Variants in SGPP2 observed in about 807,000 individuals in gnomAD.
SGPP2 encodes the protein sphingosine-1-phosphate phosphatase 2.
Under a neutral mutation model 33.9 loss-of-function variants are expected in SGPP2, and 30 were observed. The ratio of observed to expected loss-of-function variants is 0.89; its 90% CI spans 0.66 to 1.20. SGPP2 has a LOEUF of 1.20. Ranked by LOEUF, SGPP2 falls within the 50% of genes most tolerant of loss-of-function variation. The pLI is 0.00. For synonymous variants in SGPP2, 233 were observed against 225.0 expected, an observed-to-expected ratio of 1.04 and a Z score of -0.32; for missense variants, 458 against 532.1, an observed-to-expected ratio of 0.86 and a Z score of 1.37.
At chr2:222,468,284 C>A (rs1015623984) in intron 1 of SGPP2, among the ~76,000 whole-genome samples, 4 of 151,866 alleles carry the variant, frequency 2.6e-5, no homozygotes, top group Admixed American at 2.0e-4. Context: ...TCATTTTCAG[C>A]CAATTAGTAC....
Position 222,534,414 on chromosome 2 carries a change from A to G in SGPP2, c.648+9381A>G, listed in dbSNP as rs180895700. Among the ~76,000 whole-genome samples, 296 of 152,268 alleles carry G rather than the reference A, an allele frequency of 1.9e-3. 10 individuals carry two copies. The highest frequency in any genetic ancestry group is 0.017 in the Admixed American group (261 of 15,294). ...TGTCCCTAAATTGTTTGATCTCTGG[A>G]TAATTACACAGATACTGTTTTATTT... On this transcript the variant is annotated intron_variant, in intron 4 of 4. Transcript: ENST00000321276.
rs1184490812 is a variant in SGPP2 at position 222,554,678 on chromosome 2, C to T, written c.649-3669C>T. Among the ~76,000 whole-genome samples, 4 of 152,130 alleles carry T rather than the reference C, an allele frequency of 2.6e-5. No individual in the cohort carries two copies. The East Asian group carries it at 7.7e-4, about 29-fold the overall frequency. On this transcript the variant is annotated intron_variant, in intron 4 of 4. Transcript: ENST00000321276. ...ACCTCCGCATCTCTGTCAGCAGGGACAGGCGAGGAGTTGATTCTCTGCACG... is the reference window on the plus strand; with the variant it reads ...ACCTCCGCATCTCTGTCAGCAGGGATAGGCGAGGAGTTGATTCTCTGCACG...
At chr2:222,429,671 G>A (rs1697122619) in intron 1 of SGPP2, among the ~76,000 whole-genome samples, 1 of 152,130 alleles carries the variant, frequency 6.6e-6, no homozygotes, top group South Asian at 2.1e-4. Context: ...CTTTTGGTTT[G>A]TTTCCAGTTT....
chr2:222,552,927 T>C (rs1689321809), intron 4 of SGPP2, among the ~76,000 whole-genome samples: 1 of 152,052 alleles, frequency 6.6e-6, no homozygotes. Flanking sequence ...CCTATGGAAA[T>C]AAAACATTAA....
chr2:222,428,780 G>GT (rs1697109135), intron 1 of SGPP2, among the ~76,000 whole-genome samples: 2 of 132,578 alleles, frequency 1.5e-5, no homozygotes, highest in African/African-American at 5.6e-5. Context: ...AAAAAACATG[G>GT]TTTTCTTTTT....
At chr2:222,426,297 T>G (rs1305929476) in intron 1 of SGPP2, among the ~76,000 whole-genome samples, 2 of 151,104 alleles carry the variant, frequency 1.3e-5, no homozygotes, top group African/African-American at 4.9e-5. Context: ...CCGTGACATA[T>G]TCGGTGCACA....
At chr2:222,444,211 C>G (rs1202034882) in intron 1 of SGPP2, among the ~76,000 whole-genome samples, 2 of 152,190 alleles carry the variant, frequency 1.3e-5, no homozygotes, top group East Asian at 3.8e-4. Flanking sequence ...TCTTATGCCA[C>G]TTCATAAGGG....
intron 4 of SGPP2, among the ~76,000 whole-genome samples, chr2:222,543,762 T>G (rs972260394): frequency 2.0e-5 from 3 of 152,230 alleles, no homozygotes; most frequent in Non-Finnish European, 4.4e-5. Context: ...AGTTTTGTTA[T>G]AAGTATTGGT....
intron 4 of SGPP2, among the ~76,000 whole-genome samples, chr2:222,526,036 G>A (rs1025697178): frequency 9.9e-5 from 15 of 152,156 alleles, no homozygotes; most frequent in Admixed American, 1.3e-4. Context: ...GCAACATTAC[G>A]CTTTCCTCTT....
rs1471593488 is a variant in SGPP2, at chr2:222,480,662, G to A, written c.378+5936G>A. ...TGTATTGTCAAGGCTAGTGATACAT[G>A]TTGCTCAATTATTTTCTCAGAAATA... On this transcript the variant is annotated intron_variant, in intron 2 of 4. Transcript: ENST00000321276. Among the ~76,000 whole-genome samples the A allele has an allele frequency of 2.6e-5, 4 of 152,302 alleles. No individual in the cohort carries two copies. In the East Asian group the frequency reaches 7.7e-4, roughly 29 times the overall value.
intron 1 of SGPP2, among the ~76,000 whole-genome samples, chr2:222,463,341 G>A (rs1372144554): frequency 1.3e-5 from 2 of 152,196 alleles, no homozygotes; most frequent in Non-Finnish European, 2.9e-5. Flanking sequence ...TTCAAGAAAT[G>A]GGGAAGCGGC....
At chr2:222,499,439 G>A (rs1015919214) in intron 2 of SGPP2, among the ~76,000 whole-genome samples, 1 of 152,238 alleles carries the variant, frequency 6.6e-6, no homozygotes, top group Non-Finnish European at 1.5e-5. Flanking sequence ...GCATCAGGCA[G>A]AGGACTCCAG....
chr2:222,532,165 T>G (rs746236189), intron 4 of SGPP2, among the ~76,000 whole-genome samples: 13 of 152,078 alleles, frequency 8.5e-5, no homozygotes, highest in Non-Finnish European at 1.8e-4. Context: ...TCCCAGCTAC[T>G]TGGGAGGCTG....
At chr2:222,485,784 C>A (rs1185115422) in intron 2 of SGPP2, among the ~76,000 whole-genome samples, 2 of 152,218 alleles carry the variant, frequency 1.3e-5, no homozygotes, top group Admixed American at 1.3e-4. Flanking sequence ...TCCTCACCAG[C>A]TCTCCTGTCG....
chr2:222,492,181 A>G (rs1253393810), intron 2 of SGPP2, among the ~76,000 whole-genome samples: 2 of 152,120 alleles, frequency 1.3e-5, no homozygotes, highest in Admixed American at 1.3e-4. Context: ...CTCTTCTCCT[A>G]AACTCACTAG....
At chr2:222,541,899 G>A (rs1699004239) in intron 4 of SGPP2, among the ~76,000 whole-genome samples, 1 of 152,026 alleles carries the variant, frequency 6.6e-6, no homozygotes, top group African/African-American at 2.4e-5. Flanking sequence ...ACTGTGCCTG[G>A]GTAAGAAAAA....
intron 1 of SGPP2, among the ~76,000 whole-genome samples, chr2:222,451,724 CAAAG>C (rs1026360524): frequency 1.3e-5 from 2 of 152,152 alleles, no homozygotes; most frequent in Admixed American, 1.3e-4. Flanking sequence ...AACTCTTAAT[CAAAG>C]GAAGGAAGAG....
chr2:222,447,074 T>A (rs1025676654), intron 1 of SGPP2, among the ~76,000 whole-genome samples: 1 of 152,240 alleles, frequency 6.6e-6, no homozygotes, highest in African/African-American at 2.4e-5. Context: ...TCAAGCTGCC[T>A]CTTTCTTTAT....
chr2:222,428,932 C>T (rs1463832281), intron 1 of SGPP2, among the ~76,000 whole-genome samples: 3 of 151,884 alleles, frequency 2.0e-5, no homozygotes, highest in African/African-American at 7.3e-5. Context: ...GCTGGGATTA[C>T]AGGCATGCAC....
Sources: gnomAD v4.1 joint callset for allele counts (sites outside exome capture counted in the v4.1 genomes callset) on GRCh38, gnomAD v4.1.1 for gene constraint, MANE v1.5 for transcripts, NCBI Gene and HGNC (gene_info 2026-07-23, HGNC 2026-07-21) for gene names.